TMEM35A: variants seen among roughly 807,000 people sequenced by gnomAD.
TMEM35A encodes the protein nicotinic acetylcholine receptor chaperone.
For synonymous variants in TMEM35A, 50 were observed against 54.7 expected, an observed-to-expected ratio of 0.91 and a Z score of 0.38; for missense variants, 83 against 132.7, an observed-to-expected ratio of 0.63 and a Z score of 1.84.
In TMEM35A at chrX:101,095,320, C is replaced by T. The variant is rs756382395; in HGVS notation, c.*364C>T. 291 of 123,908 alleles carry T rather than the reference C, an allele frequency of 2.3e-3. 7 individuals carry two copies. The East Asian group carries it at 0.057, about 24-fold the overall frequency. The allele number at this position is 123,908 out of a possible 1,213,427, so 10.2% of individuals were successfully genotyped here. A position where few individuals can be genotyped will look rare whatever the true frequency, so the allele number is the denominator to read the frequency against. Reference sequence around the variant, plus strand: ...GTGTGTGTGTGTGTGTGCGCGCGCGCGCGCACGCGCACACACTCACGCACA... The same window carrying T: ...GTGTGTGTGTGTGTGTGCGCGCGCGTGCGCACGCGCACACACTCACGCACA... On this transcript the variant is annotated 3_prime_UTR_variant, in exon 2 of 2. Transcript: ENST00000372930.
chrX:101,084,519 G>A (rs759017009), intron 1 of TMEM35A, among the ~76,000 whole-genome samples: 204 of 111,137 alleles, frequency 1.8e-3, no homozygotes, highest in African/African-American at 6.1e-3. Flanking sequence ...GCATAAGTAT[G>A]CAGCTCAAGG....
intron 1 of TMEM35A, among the ~76,000 whole-genome samples, chrX:101,090,169 C>CTTTTTTTTTTTTTTTTTTTTTTTT (rs771239790): frequency 1.2e-4 from 12 of 97,527 alleles, no homozygotes; most frequent in African/African-American, 5.3e-4. Context: ...TTCTTTCTTT[C>CTTTTTTTTTTTTTTTTTTTTTTTT]TTTTTTTTTT....
rs183366887 is a variant in TMEM35A, at chrX:101,095,650, A to T, written c.*694A>T. On this transcript the variant is annotated 3_prime_UTR_variant, in exon 2 of 2. Transcript: ENST00000372930. Reference sequence around the variant, plus strand: ...ATATTGAATTTAATTAAAACAAGGGATGCATGCAGTCAAATTGATAGTTTA... The same window carrying T: ...ATATTGAATTTAATTAAAACAAGGGTTGCATGCAGTCAAATTGATAGTTTA... 1 of 110,082 alleles carries T rather than the reference A, an allele frequency of 9.1e-6. No individual in the cohort carries two copies. The highest frequency in any genetic ancestry group is 2.9e-4 in the East Asian group (1 of 3,494). The allele number at this position is 110,082 out of a possible 1,213,427, so 9.1% of individuals were successfully genotyped here.
At chrX:101,088,055 G>A (rs752422666) in intron 1 of TMEM35A, among the ~76,000 whole-genome samples, 9 of 108,995 alleles carry the variant, frequency 8.3e-5, no homozygotes, top group Non-Finnish European at 1.7e-4. Context: ...AAAATTAGCC[G>A]GGCATGGTGG....
At chrX:101,088,500 C>T in intron 1 of TMEM35A, among the ~76,000 whole-genome samples, 1 of 111,499 alleles carries the variant, frequency 9.0e-6, no homozygotes, top group Non-Finnish European at 1.9e-5. Flanking sequence ...CCTGTAGGCC[C>T]AGCTAACTCG....
At chrX:101,081,898 A>C (rs1040573414) in intron 1 of TMEM35A, 6 of 111,239 alleles carry the variant, frequency 5.4e-5, no homozygotes, top group Non-Finnish European at 1.1e-4. Flanking sequence ...AGCAGAGATG[A>C]GAAACCAAGT....
At chrX:101,082,133 C>CTTTCTTTTTTTTTTTT (rs2089293836) in intron 1 of TMEM35A, among the ~76,000 whole-genome samples, 1 of 20,482 alleles carries the variant, frequency 4.9e-5, no homozygotes, top group African/African-American at 1.7e-4. Flanking sequence ...TTCTTTCTTT[C>CTTTCTTTTTTTTTTTT]TTTTTTTTTT....
intron 1 of TMEM35A, among the ~76,000 whole-genome samples, chrX:101,090,051 C>T (rs2089318814): frequency 9.0e-6 from 1 of 111,563 alleles, no homozygotes; most frequent in South Asian, 3.7e-4. Flanking sequence ...TTTGACTATT[C>T]TCTTCTTAAA....
chrX:101,086,803 A>G (rs765037976), intron 1 of TMEM35A, among the ~76,000 whole-genome samples: 48 of 111,254 alleles, frequency 4.3e-4, no homozygotes, highest in Admixed American at 1.5e-3. Flanking sequence ...TAAGAAAGTG[A>G]ATCTGTCAAC....
At chrX:101,091,302 CT>C (rs111453010) in intron 1 of TMEM35A, among the ~76,000 whole-genome samples, 39,413 of 89,937 alleles carry the variant, frequency 0.44, 7,846 homozygotes, top group Middle Eastern at 0.54. Context: ...CTCTCTCTCT[CT>C]TTTTTTTTTT....
chrX:101,095,111 A>G lies in TMEM35A; in HGVS notation c.*155A>G, dbSNP rs1001938933. 15 of 597,855 alleles carry G rather than the reference A, an allele frequency of 2.5e-5. No individual in the cohort carries two copies. Among genetic ancestry groups the G allele is most frequent in the Admixed American group, 4.7e-5 (1 of 21,467 alleles). The allele number at this position is 597,855 out of a possible 1,213,427, so 49.3% of individuals were successfully genotyped here. A position where few individuals can be genotyped will look rare whatever the true frequency, so the allele number is the denominator to read the frequency against. On this transcript the variant is annotated 3_prime_UTR_variant, in exon 2 of 2. Transcript: ENST00000372930. ...ACCCTATTGGCTTGTGTACATCTAT[A>G]TGCTAAAATGACTTCCCCACATTGA...
In TMEM35A at chrX:101,086,926, A is replaced by C. The variant is rs756327131; in HGVS notation, c.121-7647A>C. ...CTTGAGGTGGCCTGGACCAAGCATA[A>C]TGAGGGGGTTAGCAATAATAGGATT... On this transcript the variant is annotated intron_variant, in intron 1 of 1. Coordinates refer to ENST00000372930, the MANE Select transcript of TMEM35A (RefSeq NM_021637.3). Among the ~76,000 whole-genome samples, 14 of 107,101 alleles carry C rather than the reference A, an allele frequency of 1.3e-4. No homozygotes were observed. The South Asian group carries it at 5.8e-3, about 44-fold the overall frequency. The allele number at this position is 107,101 out of a possible 115,157, so 93.0% of individuals were successfully genotyped here. A position where few individuals can be genotyped will look rare whatever the true frequency, so the allele number is the denominator to read the frequency against.
intron 1 of TMEM35A, among the ~76,000 whole-genome samples, chrX:101,084,459 T>TA (rs2089301044): frequency 9.1e-6 from 1 of 110,439 alleles, no homozygotes; most frequent in Non-Finnish European, 1.9e-5. Context: ...TAGTTTTTTT[T>TA]CCTTGTAAAT....
intron 1 of TMEM35A, among the ~76,000 whole-genome samples, chrX:101,084,749 C>T (rs960168470): frequency 1.4e-4 from 15 of 111,001 alleles, no homozygotes; most frequent in African/African-American, 4.3e-4. Flanking sequence ...CCTGTAATCC[C>T]AGCTACCTGG....
chrX:101,085,047 G>A lies in TMEM35A; in HGVS notation c.120+5925G>A, dbSNP rs2089303095. Among the ~76,000 whole-genome samples the A allele has an allele frequency of 5.4e-5, 6 of 111,438 alleles. No individual in the cohort carries two copies. The South Asian group carries it at 2.2e-3, about 41-fold the overall frequency. On this transcript the variant is annotated intron_variant, in intron 1 of 1. Transcript: ENST00000372930. ...ACCTGATTTTGAATTTTATATAAAT[G>A]GAATTCTACAGTATATTAGCCAATT... is the stretch of plus-strand genomic sequence containing the variant.
At position 101,096,127 on chromosome X, in the gene TMEM35A, G is replaced by A. The variant is rs1319313238; in HGVS notation, c.*1171G>A. On this transcript the variant is annotated 3_prime_UTR_variant, in exon 2 of 2. Transcript: ENST00000372930. ...GCTGGGGGAAGGACATTTCATAAGG[G>A]TTAGTTGGACTGAGCAGTATGGACA... is the stretch of plus-strand genomic sequence containing the variant. 2 of 111,534 alleles carry A rather than the reference G, an allele frequency of 1.8e-5. No homozygotes were observed. Among genetic ancestry groups the A allele is most frequent in the African/African-American group, 6.5e-5 (2 of 30,627 alleles). 9.2% of individuals were successfully genotyped at this position (111,534 alleles called of 1,213,427 possible). A position where few individuals can be genotyped will look rare whatever the true frequency, so the allele number is the denominator to read the frequency against.
Position 101,094,892 on chromosome X carries a change from G to A in TMEM35A, c.440G>A (p.Gly147Glu), listed in dbSNP as rs762916355. 8.3e-7 allele frequency: 1 copy of A among 1,206,492 alleles called. No homozygotes were observed. The highest frequency in any genetic ancestry group is 1.8e-5 in the African/African-American group (1 of 57,125). Residue 147 changes from glycine (G) to glutamate (E), a missense_variant, in exon 2 of 2, where the codon GGG becomes GAG. Physicochemically the swap from Gly to Glu is moderately conservative, Grantham distance 98 (BLOSUM62 -2). Coordinates refer to ENST00000372930, the MANE Select transcript of TMEM35A (RefSeq NM_021637.3). The part of the protein sequence containing the change: ...DRSSEKKPLP[G>E]NAEEQPSLYE... Reference sequence around the variant, plus strand: ...TCTTCTGAGAAGAAGCCTTTGCCAGGGAATGCTGAGGAGCAACCCTCCTTA... The same window carrying A: ...TCTTCTGAGAAGAAGCCTTTGCCAGAGAATGCTGAGGAGCAACCCTCCTTA...
rs1602746402 is a variant in TMEM35A, at chrX:101,095,209, A to G, written c.*253A>G. The G allele has an allele frequency of 3.0e-6, 1 of 336,863 alleles. No homozygotes were observed. Among genetic ancestry groups the G allele is most frequent in the Non-Finnish European group, 5.1e-6 (1 of 197,226 alleles). 27.8% of individuals were successfully genotyped at this position (336,863 alleles called of 1,213,427 possible). A position where few individuals can be genotyped will look rare whatever the true frequency, so the allele number is the denominator to read the frequency against. On this transcript the variant is annotated 3_prime_UTR_variant, in exon 2 of 2. Transcript: ENST00000372930. ...CTGCATGTACATGTATACGGCTACT[A>G]TTGAAGTGTAATTGTGAGATGGACT...
At chrX:101,090,327 A>ATT (rs1199957258) in intron 1 of TMEM35A, among the ~76,000 whole-genome samples, 77 of 66,199 alleles carry the variant, frequency 1.2e-3, no homozygotes, top group African/African-American at 3.7e-3. Flanking sequence ...TAATTTTTGT[A>ATT]TTTTTTTTTT....
Sources: allele counts gnomAD v4.1 joint callset (sites outside exome capture counted in the v4.1 genomes callset), GRCh38; gene constraint gnomAD v4.1.1; transcripts MANE v1.5; gene names NCBI Gene and HGNC (gene_info 2026-07-23, HGNC 2026-07-21).